HRK: variants seen among roughly 807,000 people sequenced by gnomAD.
HRK encodes harakiri, BCL2 interacting protein, also known as activator of apoptosis harakiri.
A neutral mutation model predicts 5.9 loss-of-function variants in HRK; 6 were observed. The ratio of observed to expected loss-of-function variants is 1.02; its 90% CI spans 0.56 to 2.01. HRK has a LOEUF of 2.01. HRK is among the 30% of genes most tolerant of loss of function. HRK has a pLI of 0.00. For missense variants in HRK, 133 were observed against 128.3 expected (o/e 1.04, Z -0.18); for synonymous variants, 85 against 65.1 (o/e 1.31, Z -1.47).
At position 116,879,877 on chromosome 12, in the gene HRK, G is replaced by A. The variant is rs1879079585; in HGVS notation, c.*56+1099C>T. Among the ~76,000 whole-genome samples the A allele has an allele frequency of 6.6e-6, 1 of 152,202 alleles. No individual in the cohort carries two copies. The highest frequency in any genetic ancestry group is 6.5e-5 in the Admixed American group (1 of 15,290). ...CGGGGACCTAAGGGCGGCTGGCTATGTCACCTTCGAGCTTCACCTTCCGGC... is the reference window on the plus strand; with the variant it reads ...CGGGGACCTAAGGGCGGCTGGCTATATCACCTTCGAGCTTCACCTTCCGGC... On this transcript the variant is annotated intron_variant, in intron 1 of 1. Transcript: ENST00000257572. This position sits in a 1 kb window ranked among gnomAD's most constrained non-coding sequence, Gnocchi z 5.6.
chr12:116,868,592 A>C (rs1226035101), intron 1 of HRK, among the ~76,000 whole-genome samples: 1 of 152,210 alleles, frequency 6.6e-6, no homozygotes, highest in African/African-American at 2.4e-5. Context: ...GGGAAAGTAG[A>C]AGAGGAGGAT....
chr12:116,876,556 C>G (rs1878936597), intron 1 of HRK: 1 of 152,298 alleles, frequency 6.6e-6, no homozygotes, highest in South Asian at 2.1e-4. Context: ...CCCCTGCTCC[C>G]AAGGCAGGAT....
intron 1 of HRK, among the ~76,000 whole-genome samples, chr12:116,870,051 G>C (rs1043870582): frequency 2.6e-5 from 4 of 152,082 alleles, no homozygotes; most frequent in Non-Finnish European, 5.9e-5. Context: ...CTGCACTCCA[G>C]CCTGGGCAAC....
At chr12:116,868,479 C>T (rs944248287) in intron 1 of HRK, among the ~76,000 whole-genome samples, 2 of 152,212 alleles carry the variant, frequency 1.3e-5, no homozygotes, top group Admixed American at 6.5e-5. Context: ...TTAGATGTCT[C>T]TAATGTCGTG....
rs534326446 is a variant in HRK at position 116,880,469 on chromosome 12, G to A, written c.*56+507C>T. The stretch of plus-strand genomic sequence containing the variant: ...TGCGCTTGGGGTGCCAGATAATGGG[G>A]ATCAGAGATTGGAGAAGTGACACTT... On this transcript the variant is annotated intron_variant, in intron 1 of 1. Transcript: ENST00000257572. Among the ~76,000 whole-genome samples the A allele has an allele frequency of 3.9e-5, 6 of 152,296 alleles. No homozygotes were observed. In the South Asian group the frequency reaches 1.2e-3, roughly 32 times the overall value.
intron 1 of HRK, among the ~76,000 whole-genome samples, chr12:116,861,841 AT>A (rs751992789): frequency 1.3e-5 from 2 of 152,228 alleles, no homozygotes; most frequent in Non-Finnish European, 2.9e-5. Context: ...TCCTCGATTC[AT>A]TTCATAGACC....
In HRK at chr12:116,878,825, C is replaced by T. The variant is rs542362458; in HGVS notation, c.*56+2151G>A. Among the ~76,000 whole-genome samples the T allele has an allele frequency of 3.3e-5, 5 of 152,120 alleles. No individual in the cohort carries two copies. Among genetic ancestry groups the T allele is most frequent in the African/African-American group, 4.8e-5 (2 of 41,424 alleles). ...GGTGTCTCCGAGTCAGGGCGCAGCA[C>T]GGAAGTAACTCTGGGGTAGAAGGCG... On this transcript the variant is annotated intron_variant, in intron 1 of 1. Transcript: ENST00000257572. This position sits in a 1 kb window ranked among gnomAD's most constrained non-coding sequence, Gnocchi z 4.4.
At chr12:116,870,647 T>TA (rs960839786) in intron 1 of HRK, among the ~76,000 whole-genome samples, 3 of 151,864 alleles carry the variant, frequency 2.0e-5, no homozygotes, top group South Asian at 2.1e-4. Context: ...ACCCCATCTC[T>TA]AAAAAAAAGT....
chr12:116,871,607 A>G (rs1410909009), intron 1 of HRK, among the ~76,000 whole-genome samples: 2 of 2,240 alleles, frequency 8.9e-4, no homozygotes, highest in Non-Finnish European at 6.1e-3. Flanking sequence ...CCCAGCCAAA[A>G]AAAAAAAAAA....
intron 1 of HRK, among the ~76,000 whole-genome samples, chr12:116,877,539 C>G (rs1169833947): frequency 1.3e-5 from 2 of 152,292 alleles, no homozygotes; most frequent in East Asian, 3.9e-4. Flanking sequence ...CTGGCACTGA[C>G]TTCCCGGGAG....
intron 1 of HRK, among the ~76,000 whole-genome samples, chr12:116,875,803 C>G (rs1329351219): frequency 6.6e-6 from 1 of 152,138 alleles, no homozygotes; most frequent in East Asian, 1.9e-4. Flanking sequence ...CTCAGCCTCT[C>G]AAAATGCTGG....
In HRK at chr12:116,870,634, G is replaced by A. The variant is rs145915622; in HGVS notation, c.*57-9168C>T. On this transcript the variant is annotated intron_variant, in intron 1 of 1. Transcript: ENST00000257572. ...TCCAGACCAGACTGGGCAACATAGC[G>A]AGACCCCATCTCTAAAAAAAAGTAA... Among the ~76,000 whole-genome samples the A allele has an allele frequency of 1.9e-3, 287 of 152,230 alleles. 3 individuals carry two copies. Among genetic ancestry groups the A allele is most frequent in the Middle Eastern group, 6.8e-3 (2 of 294 alleles).
intron 1 of HRK, among the ~76,000 whole-genome samples, chr12:116,870,777 G>A (rs1878716583): frequency 6.6e-6 from 1 of 152,166 alleles, no homozygotes; most frequent in African/African-American, 2.4e-5. Flanking sequence ...CGCAGCCTGG[G>A]CAACAGAGAG....
In HRK at chr12:116,881,255, C is replaced by A. The variant is rs1230122559; in HGVS notation, c.53G>T (p.Cys18Phe). 7.3e-6 allele frequency: 8 copies of A among 1,093,596 alleles called. No individual in the cohort carries two copies. Among genetic ancestry groups the A allele is most frequent in the Non-Finnish European group, 8.9e-6 (8 of 901,500 alleles). 67.7% of individuals were successfully genotyped at this position (1,093,596 alleles called of 1,614,324 possible). A position where few individuals can be genotyped will look rare whatever the true frequency, so the allele number is the denominator to read the frequency against. The change falls in exon 1 of 2, where the codon TGC becomes TTC. Residue 18 changes from cysteine (C) to phenylalanine (F), a missense_variant. Physicochemically the swap from Cys to Phe is radical, Grantham distance 205. Coordinates refer to ENST00000257572, the MANE Select transcript of HRK (RefSeq NM_003806.4). ...GCGCAGCCCCAGGCGACCCGCGCTG[C>A]AGGCGCACACGGCCGGGGGGCCGCG... ...RGRGPPAVCA[C>F]SAGRLGLRSS... is the part of the protein sequence containing the mutation.
chr12:116,875,226 G>T (rs1878888207), intron 1 of HRK, among the ~76,000 whole-genome samples: 1 of 152,174 alleles, frequency 6.6e-6, no homozygotes, highest in Non-Finnish European at 1.5e-5. Context: ...GGCATCCTTG[G>T]ATTTTGGGAT....
intron 1 of HRK, among the ~76,000 whole-genome samples, chr12:116,877,625 A>C (rs1299012965): frequency 6.6e-6 from 1 of 152,228 alleles, no homozygotes; most frequent in Admixed American, 6.5e-5. Flanking sequence ...GAATGATAGT[A>C]AATGCACAAT....
Position 116,878,717 on chromosome 12 carries a change from G to A in HRK, c.*56+2259C>T, listed in dbSNP as rs1879028535. On this transcript the variant is annotated intron_variant, in intron 1 of 1. Coordinates refer to ENST00000257572, the MANE Select transcript of HRK (RefSeq NM_003806.4). The surrounding 1 kb of genome is among the most constrained non-coding windows in gnomAD (Gnocchi z 4.4). ...TCCTGAGGTCAGGGCGCCAGAGGCT[G>A]CAGAACCCTGGAGGGTGTGGCTGCA... Among the ~76,000 whole-genome samples the A allele has an allele frequency of 6.6e-6, 1 of 152,300 alleles. No individual in the cohort carries two copies. The highest frequency in any genetic ancestry group is 1.9e-4 in the East Asian group (1 of 5,164).
chr12:116,858,151 G>T lies in HRK; in HGVS notation c.*3372C>A, dbSNP rs372525661. ...AAAAAAAAAACGAACAAAAAAACAG[G>T]AACTGGGCTCTAAGAGATGCGCAGG... On this transcript the variant is annotated 3_prime_UTR_variant, in exon 2 of 2. Transcript: ENST00000257572. 1 of 137,778 alleles carries T rather than the reference G, an allele frequency of 7.3e-6. No homozygotes were observed. Among genetic ancestry groups the T allele is most frequent in the African/African-American group, 2.6e-5 (1 of 37,770 alleles). 8.5% of individuals were successfully genotyped at this position (137,778 alleles called of 1,614,324 possible).
chr12:116,863,391 G>C (rs571182896), intron 1 of HRK, among the ~76,000 whole-genome samples: 1 of 152,260 alleles, frequency 6.6e-6, no homozygotes, highest in Admixed American at 6.5e-5. Flanking sequence ...CACCCTCCTG[G>C]AGACTCCAGG....
Sources: gnomAD v4.1 joint callset for allele counts (sites outside exome capture counted in the v4.1 genomes callset) on GRCh38, gnomAD v4.1.1 for gene constraint, Gnocchi (gnomAD v3.1) non-coding constraint, MANE v1.5 for transcripts, NCBI Gene and HGNC (gene_info 2026-07-23, HGNC 2026-07-21) for gene names.